HIPK3: variants seen among roughly 807,000 people sequenced by gnomAD.
HIPK3 encodes the protein homeodomain interacting protein kinase 3.
In HIPK3, 47 loss-of-function variants were observed where a neutral mutation model predicts 124.2. The observed-to-expected ratio is 0.38, with a 90% CI of 0.30 to 0.48. HIPK3 has a LOEUF of 0.48. HIPK3 is among the 20% of genes least tolerant of loss of function. The pLI, the probability that HIPK3 is intolerant of heterozygous loss-of-function variation, is 0.98. For missense variants in HIPK3, 1,286 were observed against 1,454.3 expected (o/e 0.88, Z 1.88); for synonymous variants, 482 against 515.2 (o/e 0.94, Z 0.87).
At chr11:33,297,282 C>T (rs185797171) in intron 2 of HIPK3, among the ~76,000 whole-genome samples, 135 of 152,086 alleles carry the variant, frequency 8.9e-4, no homozygotes, top group African/African-American at 3.1e-3. Flanking sequence ...TTAGTAGAGA[C>T]GGGGCTTCGC....
intron 2 of HIPK3, among the ~76,000 whole-genome samples, chr11:33,299,671 G>A (rs986888849): frequency 2.0e-5 from 3 of 152,130 alleles, no homozygotes; most frequent in African/African-American, 4.8e-5. Flanking sequence ...ATAGCATCGC[G>A]TTCTACAGAG....
chr11:33,257,195 G>A (rs1850686043), upstream of HIPK3: 1 of 974,078 alleles, frequency 1.0e-6, no homozygotes, highest in Middle Eastern at 5.3e-4. Context: ...GCGGGCTCCG[G>A]GCAACAAGGG....
chr11:33,301,788 C>T (rs796984230), intron 2 of HIPK3, among the ~76,000 whole-genome samples: 21 of 127,054 alleles, frequency 1.7e-4, no homozygotes, highest in African/African-American at 5.8e-4. Context: ...TGTCACTGTA[C>T]TCCAGCCTGG....
intron 2 of HIPK3, among the ~76,000 whole-genome samples, chr11:33,305,257 C>G (rs1021950425): frequency 6.6e-6 from 1 of 152,140 alleles, no homozygotes; most frequent in Non-Finnish European, 1.5e-5. Context: ...CTGCCTCAGC[C>G]TCCCAAAGTG....
intron 3 of HIPK3, among the ~76,000 whole-genome samples, chr11:33,333,487 AGTTTT>A (rs1853049403): frequency 6.6e-6 from 1 of 152,148 alleles, no homozygotes; most frequent in Non-Finnish European, 1.5e-5. Context: ...TGATTGACTT[AGTTTT>A]TTTCTAGTTG....
intron 2 of HIPK3, among the ~76,000 whole-genome samples, chr11:33,305,342 A>G (rs1420880385): frequency 6.6e-6 from 1 of 151,998 alleles, no homozygotes; most frequent in East Asian, 1.9e-4. Context: ...TATTACCTTG[A>G]AATAAGTTTT....
intron 2 of HIPK3, among the ~76,000 whole-genome samples, chr11:33,310,040 A>G (rs1032441835): frequency 1.3e-5 from 2 of 152,204 alleles, no homozygotes; most frequent in Admixed American, 6.5e-5. Flanking sequence ...TAAAATTTCA[A>G]TAGCTGGATA....
chr11:33,341,393 C>T (rs954928309), intron 7 of HIPK3, among the ~76,000 whole-genome samples, 170 bp from the exon 8 acceptor site: 1 of 152,184 alleles, frequency 6.6e-6, no homozygotes, highest in Non-Finnish European at 1.5e-5. Flanking sequence ...AAGTAGAGGT[C>T]AGTAGAATCG....
chr11:33,349,849 C>T (rs1590195029), intron 14 of HIPK3, among the ~76,000 whole-genome samples: 1 of 152,120 alleles, frequency 6.6e-6, no homozygotes, highest in Non-Finnish European at 1.5e-5. Context: ...TCACCGCAGC[C>T]TCCGCCTCCC....
chr11:33,292,796 C>T (rs1186210332), intron 2 of HIPK3, among the ~76,000 whole-genome samples: 1 of 152,106 alleles, frequency 6.6e-6, no homozygotes, highest in Non-Finnish European at 1.5e-5. Flanking sequence ...AGTGCAGTGG[C>T]ACAATCTCTG....
intron 1 of HIPK3, chr11:33,258,361 C>A: frequency 4.1e-6 from 4 of 985,784 alleles, no homozygotes; most frequent in Non-Finnish European, 3.6e-6. Flanking sequence ...AACGCGCAGG[C>A]ACGCAGCTTG....
chr11:33,280,034 G>A (rs1459719523), intron 1 of HIPK3, among the ~76,000 whole-genome samples: 2 of 152,002 alleles, frequency 1.3e-5, no homozygotes, highest in African/African-American at 2.4e-5. Context: ...GAGGGGAGGT[G>A]GGGGGGACAC....
chr11:33,308,225 A>G (rs1000567503), intron 2 of HIPK3, among the ~76,000 whole-genome samples: 2 of 152,058 alleles, frequency 1.3e-5, no homozygotes, highest in Non-Finnish European at 2.9e-5. Flanking sequence ...ATGACCTCAT[A>G]TGTGTGGGTC....
Position 33,257,901 on chromosome 11 carries a change from G to A in HIPK3, c.-3+12G>A. The A allele has an allele frequency of 1.0e-6, 1 of 985,578 alleles. No homozygotes were observed. Among genetic ancestry groups the A allele is most frequent in the Non-Finnish European group, 1.2e-6 (1 of 830,116 alleles). 61.1% of individuals were successfully genotyped at this position (985,578 alleles called of 1,614,324 possible). A position where few individuals can be genotyped will look rare whatever the true frequency, so the allele number is the denominator to read the frequency against. Reference sequence around the variant, plus strand: ...GGGCCTCTAGGAAGGTAAGGGAGTCGAGCGAGGGGCGCCGCCACCCCGGGG... The same window carrying A: ...GGGCCTCTAGGAAGGTAAGGGAGTCAAGCGAGGGGCGCCGCCACCCCGGGG... On this transcript the variant is annotated intron_variant, in intron 1 of 16. Transcript: ENST00000303296.
At chr11:33,269,483 T>C (rs1851063328) in intron 1 of HIPK3, among the ~76,000 whole-genome samples, 1 of 152,236 alleles carries the variant, frequency 6.6e-6, no homozygotes, top group South Asian at 2.1e-4. Context: ...TCCTGCTTTT[T>C]TTTTGACAGG....
intron 2 of HIPK3, among the ~76,000 whole-genome samples, chr11:33,310,185 A>G (rs541235711): frequency 6.6e-6 from 1 of 152,148 alleles, no homozygotes; most frequent in East Asian, 1.9e-4. Context: ...GTGCTGTTCA[A>G]TATGGTAGCC....
chr11:33,328,993 G>C (rs1852892306), intron 3 of HIPK3, among the ~76,000 whole-genome samples: 1 of 152,094 alleles, frequency 6.6e-6, no homozygotes, highest in African/African-American at 2.4e-5. Context: ...CTCCTAAAAG[G>C]CGTTATAACT....
At chr11:33,316,641 G>T (rs549289228) in intron 2 of HIPK3, among the ~76,000 whole-genome samples, 1 of 152,026 alleles carries the variant, frequency 6.6e-6, no homozygotes, top group Non-Finnish European at 1.5e-5. Flanking sequence ...TGGGCATGTA[G>T]CAAGACCATG....
upstream of HIPK3, chr11:33,257,276 A>T (rs1377674587): frequency 8.1e-6 from 8 of 982,788 alleles, no homozygotes; most frequent in South Asian, 4.7e-5. Context: ...AGCGGAGCGG[A>T]GCCGCCCGGG....
Sources: gnomAD v4.1 joint callset for allele counts (sites outside exome capture counted in the v4.1 genomes callset) on GRCh38, gnomAD v4.1.1 for gene constraint, MANE v1.5 for transcripts, NCBI Gene and HGNC (gene_info 2026-07-23, HGNC 2026-07-21) for gene names.